Variants in PRH1 observed in about 807,000 individuals in gnomAD.
PRH1 encodes the protein proline rich protein HaeIII subfamily 1.
In PRH1, 7 loss-of-function variants were observed where a neutral mutation model predicts 7.9. That is an observed-to-expected ratio of 0.89 (90% confidence interval 0.50 to 1.67). The LOEUF is 1.67. PRH1 is among the 40% of genes most tolerant of loss of function. The pLI, the probability that PRH1 is intolerant of heterozygous loss-of-function variation, is 0.00. For synonymous variants in PRH1, 45 were observed against 80.8 expected, an observed-to-expected ratio of 0.56 and a Z score of 2.38; for missense variants, 109 against 223.6, an observed-to-expected ratio of 0.49 and a Z score of 3.27.
chr12:10,939,438 G>A (rs1314716381), intron 2 of PRH1, among the ~76,000 whole-genome samples: 2 of 152,102 alleles, frequency 1.3e-5, no homozygotes, highest in Non-Finnish European at 2.9e-5. Flanking sequence ...TCCAGATGCT[G>A]TGTGCCTTAT....
At chr12:11,079,223 ACTACCTT>A (rs1944416133) in intron 1 of PRH1, 1 of 117,328 alleles carries the variant, frequency 8.5e-6, no homozygotes, top group South Asian at 2.3e-4. Context: ...AGGCAGGGTG[ACTACCTT>A]GACCATTGAC....
upstream of PRH1, chr12:11,048,318 T>A (rs879040134): frequency 5.5e-6 from 1 of 183,408 alleles, no homozygotes; most frequent in Non-Finnish European, 1.2e-5. Flanking sequence ...CAATGCTCCC[T>A]TTGTGAATCT....
At position 11,054,275 on chromosome 12, in the gene PRH1, A is replaced by G. The variant is rs572792140; in HGVS notation, n.124-7087T>C. ...TTACCCCAAAAGTGACCTCTAGCAA[A>G]GAATACTCTCTTTTTGGCTGTTTAA... On this transcript the variant is annotated intron_variant and non_coding_transcript_variant, in intron 1 of 4. Transcript: ENST00000541977. Among the ~76,000 whole-genome samples the G allele has an allele frequency of 2.9e-3, 442 of 152,306 alleles. 3 individuals are homozygous for G. The highest frequency in any genetic ancestry group is 0.01 in the African/African-American group (429 of 41,566).
At chr12:10,963,173 T>C (rs1938336908) in intron 2 of PRH1, among the ~76,000 whole-genome samples, 1 of 152,240 alleles carries the variant, frequency 6.6e-6, no homozygotes, top group Non-Finnish European at 1.5e-5. Context: ...GATAACATTG[T>C]TAAAATTTCA....
At chr12:11,086,135 GA>G (rs1944684672) in intron 1 of PRH1, among the ~76,000 whole-genome samples, 1 of 117,126 alleles carries the variant, frequency 8.5e-6, no homozygotes, top group Non-Finnish European at 1.9e-5. Context: ...CCTCATGGTT[GA>G]GTAAATTATT....
intron 1 of PRH1, chr12:10,997,980 C>T (rs1463237): frequency 0.84 from 597,363 of 707,460 alleles, 253,490 homozygotes; most frequent in East Asian, 0.97. Context: ...TCCTGAATGT[C>T]CAATAACATT....
intron 2 of PRH1, among the ~76,000 whole-genome samples, chr12:10,958,543 C>CA (rs1938088411): frequency 1.3e-5 from 2 of 151,648 alleles, no homozygotes; most frequent in African/African-American, 4.9e-5. Flanking sequence ...ACATGTACCC[C>CA]AGAATCTAAA....
At chr12:10,932,498 G>C (rs1264657485) in intron 2 of PRH1, among the ~76,000 whole-genome samples, 2 of 151,916 alleles carry the variant, frequency 1.3e-5, no homozygotes, top group Non-Finnish European at 2.9e-5. Context: ...TTCCTTCTCT[G>C]TCTTCTTAGC....
downstream of PRH1, among the ~76,000 whole-genome samples, chr12:11,115,933 C>T (rs1394034265): frequency 3.3e-5 from 5 of 151,878 alleles, no homozygotes; most frequent in East Asian, 3.8e-4. Context: ...TAAGGGCCTA[C>T]ATCAGAAAAG....
chr12:11,144,705 T>C (rs1038845420), intron 1 of PRH1, among the ~76,000 whole-genome samples: 1 of 152,202 alleles, frequency 6.6e-6, no homozygotes, highest in African/African-American at 2.4e-5. Context: ...ACCCTCCTGA[T>C]GGAGTACTAT....
chr12:11,021,789 G>C (rs931691103), intron 1 of PRH1: 1 of 1,614,240 alleles, frequency 6.2e-7, no homozygotes, highest in Admixed American at 1.7e-5. Flanking sequence ...GGCAAAGCAG[G>C]AGTACAAGTT....
intron 1 of PRH1, among the ~76,000 whole-genome samples, chr12:11,008,982 T>C (rs974511111): frequency 6.6e-6 from 1 of 151,878 alleles, no homozygotes; most frequent in Non-Finnish European, 1.5e-5. Context: ...CTCCAGTCTC[T>C]TTATTACTAT....
intron 1 of PRH1, among the ~76,000 whole-genome samples, chr12:11,127,557 T>A (rs954635577): frequency 6.6e-6 from 1 of 152,240 alleles, no homozygotes; most frequent in Non-Finnish European, 1.5e-5. Flanking sequence ...TGAAAACTGG[T>A]TACTGCTAAC....
intron 2 of PRH1, among the ~76,000 whole-genome samples, chr12:10,894,739 T>C (rs10772382): frequency 0.5 from 75,395 of 151,966 alleles, 20,944 homozygotes; most frequent in East Asian, 0.72. Context: ...AATTTTACTA[T>C]TAAATACATA....
intron 1 of PRH1, among the ~76,000 whole-genome samples, chr12:11,107,923 A>C (rs1462070370): frequency 1.3e-5 from 2 of 152,252 alleles, no homozygotes; most frequent in African/African-American, 4.8e-5. Flanking sequence ...AAAGGAACAA[A>C]TAATGTACAA....
intron 1 of PRH1, among the ~76,000 whole-genome samples, chr12:11,058,478 G>C (rs1233345147): frequency 6.6e-6 from 1 of 152,262 alleles, no homozygotes; most frequent in Non-Finnish European, 1.5e-5. Context: ...CACTACAAAA[G>C]AGACACAGTG....
chr12:10,935,670 A>G (rs896180691), intron 2 of PRH1, among the ~76,000 whole-genome samples: 2 of 152,212 alleles, frequency 1.3e-5, no homozygotes, highest in African/African-American at 4.8e-5. Flanking sequence ...TATGGCTGTT[A>G]AATCTTACTC....
chr12:10,973,708 T>G (rs1938943991), exon 2 of PRH1: 1 of 780,096 alleles, frequency 1.3e-6, no homozygotes, highest in African/African-American at 1.7e-5. Context: ...AGGCAAAATA[T>G]TCTTCTGCAG....
chr12:11,040,460 C>G (rs1196194769), intron 1 of PRH1, among the ~76,000 whole-genome samples: 1 of 152,152 alleles, frequency 6.6e-6, no homozygotes, highest in East Asian at 1.9e-4. Context: ...CAAACTAACA[C>G]AGGAACAGAA....
Sources: allele counts gnomAD v4.1 joint callset (sites outside exome capture counted in the v4.1 genomes callset), GRCh38; gene constraint gnomAD v4.1.1; transcripts MANE v1.5; gene names NCBI Gene and HGNC (gene_info 2026-07-23, HGNC 2026-07-21).